SHROOM3: variants seen among roughly 807,000 people sequenced by gnomAD.
SHROOM3 encodes shroom family member 3, also known as protein Shroom3.
SHROOM3 carries 47 observed loss-of-function variants against 138.6 expected under a neutral mutation model. The observed-to-expected ratio is 0.34, with a 90% CI of 0.27 to 0.43. The LOEUF (loss-of-function observed/expected upper bound fraction) is 0.43. SHROOM3 is among the 20% of genes least tolerant of loss of function. The pLI, the probability that SHROOM3 is intolerant of heterozygous loss-of-function variation, is 1.00. For synonymous variants in SHROOM3, 1,062 were observed against 1,063.3 expected, an observed-to-expected ratio of 1.00 and a Z score of 0.02; for missense variants, 2,491 against 2,596.5, an observed-to-expected ratio of 0.96 and a Z score of 0.88.
chr4:76,532,190 GA>G (rs1349228469), intron 1 of SHROOM3: 1 of 151,956 alleles, frequency 6.6e-6, no homozygotes. Flanking sequence ...AGTTTGCTGA[GA>G]ATGATGGTTT....
chr4:76,708,891 C>G lies in SHROOM3; in HGVS notation c.324-1265C>G, dbSNP rs183639516. Among the ~76,000 whole-genome samples, 379 of 152,294 alleles carry G rather than the reference C, an allele frequency of 2.5e-3. 3 individuals carry two copies. The highest frequency in any genetic ancestry group is 4.3e-3 in the Non-Finnish European group (291 of 68,030). On this transcript the variant is annotated intron_variant, in intron 2 of 10. Transcript: ENST00000296043. ...ATAACCTCAACCAATTTTCAAACTT[C>G]AAGTCTAGCACTATATTGAATATAT...
At position 76,720,157 on chromosome 4, in the gene SHROOM3, T is replaced by G. The variant is rs1459905818; in HGVS notation, c.455+9870T>G. Among the ~76,000 whole-genome samples the G allele has an allele frequency of 2.1e-4, 17 of 80,458 alleles. 1 individual carries two copies. Among genetic ancestry groups the G allele is most frequent in the Admixed American group, 6.7e-4 (5 of 7,476 alleles). The allele number at this position is 80,458 out of a possible 152,430, so 52.8% of individuals were successfully genotyped here. ...TTGGAAAAGTGTTTTTTAGGTTTTT[T>G]TTTTTTTTTTTTTTTTTTTTTTTGT... On this transcript the variant is annotated intron_variant, in intron 3 of 10. Transcript: ENST00000296043.
In SHROOM3 at chr4:76,444,339, A is replaced by G. The variant is rs10025905; in HGVS notation, c.168+8119A>G. On this transcript the variant is annotated intron_variant, in intron 1 of 10. Coordinates refer to ENST00000296043, the MANE Select transcript of SHROOM3 (RefSeq NM_020859.4). ...TTTAAGTGAGGTTTTCCAGCATAGAAAAAAGCTTACATCCCAGACAATATA... is the reference window on the plus strand; with the variant it reads ...TTTAAGTGAGGTTTTCCAGCATAGAGAAAAGCTTACATCCCAGACAATATA... Among the ~76,000 whole-genome samples, 943 of 151,176 alleles carry G rather than the reference A, an allele frequency of 6.2e-3. 9 individuals are homozygous for G. Among genetic ancestry groups the G allele is most frequent in the African/African-American group, 0.022 (909 of 41,350 alleles).
chr4:76,580,987 AT>A (rs371578376), intron 2 of SHROOM3, among the ~76,000 whole-genome samples: 1 of 152,046 alleles, frequency 6.6e-6, no homozygotes, highest in African/African-American at 2.4e-5. Flanking sequence ...AACGTGCCTT[AT>A]TTATTCTTTA....
At chr4:76,677,090 A>G (rs1719062059) in intron 2 of SHROOM3, among the ~76,000 whole-genome samples, 1 of 152,214 alleles carries the variant, frequency 6.6e-6, no homozygotes, top group South Asian at 2.1e-4. Context: ...TTACTGAGGA[A>G]AAATCATTCT....
chr4:76,741,166 C>T lies in SHROOM3; in HGVS notation c.2993C>T (p.Pro998Leu), dbSNP rs542924906. ...VTPAEGDLAR[P>L]VPPAARRGAR... ...CCTGCTGAGGGCGACCTGGCCAGGC[C>T]CGTGCCCCCTGCCGCCCGGAGAGGT... Residue 998 changes from proline to leucine, a missense_variant, in exon 5 of 11, where the codon CCC becomes CTC. Pro to Leu is a moderately conservative substitution (Grantham distance 98, BLOSUM62 -3). Transcript: ENST00000296043. This position sits in a 1 kb window ranked among gnomAD's most constrained non-coding sequence, Gnocchi z 6.2. 1.3e-6 allele frequency: 2 copies of T among 1,581,688 alleles called. No homozygotes were observed. Among genetic ancestry groups the T allele is most frequent in the African/African-American group, 2.7e-5 (2 of 74,392 alleles).
intron 6 of SHROOM3, among the ~76,000 whole-genome samples, chr4:76,752,625 T>TA (rs925852020): frequency 7.9e-5 from 12 of 152,172 alleles, no homozygotes; most frequent in Admixed American, 2.0e-4. Flanking sequence ...AGTCTTTTTT[T>TA]ATCCCAAACT....
At chr4:76,480,209 C>G (rs929414580) in intron 1 of SHROOM3, among the ~76,000 whole-genome samples, 49 of 152,278 alleles carry the variant, frequency 3.2e-4, no homozygotes, top group Non-Finnish European at 6.2e-4. Context: ...GATAAAGAGT[C>G]AAGACCCATC....
rs138081318 is a variant in SHROOM3, at chr4:76,633,894, G to A, written c.324-76262G>A. 8.5e-3 allele frequency among the ~76,000 whole-genome samples: 1,288 copies of A among 152,166 alleles called. 14 individuals are homozygous for A. The highest frequency in any genetic ancestry group is 0.029 in the African/African-American group (1,220 of 41,494). On this transcript the variant is annotated intron_variant, in intron 2 of 10. Transcript: ENST00000296043. Reference sequence around the variant, plus strand: ...ACCAGGCAAATGGAAGGGAGACTCCGGAAAGGAAAAGCAGATGACATTTTA... The same window carrying A: ...ACCAGGCAAATGGAAGGGAGACTCCAGAAAGGAAAAGCAGATGACATTTTA...
At chr4:76,538,273 A>G (rs1733024743) in intron 1 of SHROOM3, among the ~76,000 whole-genome samples, 1 of 152,208 alleles carries the variant, frequency 6.6e-6, no homozygotes, top group South Asian at 2.1e-4. Flanking sequence ...GAAAAAAAGA[A>G]AAGGAGGAGG....
intron 2 of SHROOM3, among the ~76,000 whole-genome samples, chr4:76,704,322 C>A (rs1418884776): frequency 6.6e-6 from 1 of 152,136 alleles, no homozygotes; most frequent in Non-Finnish European, 1.5e-5. Context: ...AGAGGTGGAC[C>A]CTGACCTGGC....
intron 3 of SHROOM3, among the ~76,000 whole-genome samples, chr4:76,712,992 A>C (rs1720274448): frequency 1.3e-5 from 2 of 152,332 alleles, no homozygotes; most frequent in Non-Finnish European, 2.9e-5. Flanking sequence ...ACAGACAAAA[A>C]TACAATGTAA....
chr4:76,622,530 T>C (rs1735030322), intron 2 of SHROOM3, among the ~76,000 whole-genome samples: 1 of 152,052 alleles, frequency 6.6e-6, no homozygotes, highest in South Asian at 2.1e-4. Context: ...TGATTTTCAG[T>C]TAATTCCATT....
At chr4:76,715,657 C>G (rs920590795) in intron 3 of SHROOM3, among the ~76,000 whole-genome samples, 34 of 152,244 alleles carry the variant, frequency 2.2e-4, no homozygotes, top group African/African-American at 7.5e-4. Flanking sequence ...ATGGGGATCT[C>G]GGATCACCAT....
chr4:76,523,972 T>C (rs1433575820), intron 1 of SHROOM3, among the ~76,000 whole-genome samples: 1 of 152,026 alleles, frequency 6.6e-6, no homozygotes, highest in Non-Finnish European at 1.5e-5. Context: ...TTAAGCAAGG[T>C]GTAACCTGAG....
At chr4:76,697,495 A>G (rs1719774914) in intron 2 of SHROOM3, among the ~76,000 whole-genome samples, 1 of 152,142 alleles carries the variant, frequency 6.6e-6, no homozygotes, top group South Asian at 2.1e-4. Flanking sequence ...TCAGCCCTGT[A>G]GGTATCTAAC....
intron 2 of SHROOM3, among the ~76,000 whole-genome samples, chr4:76,624,687 T>C (rs1218133649): frequency 6.6e-6 from 1 of 152,212 alleles, no homozygotes; most frequent in Non-Finnish European, 1.5e-5. Flanking sequence ...ACAGAAATTA[T>C]AAAGAGGTGT....
chr4:76,672,721 C>T (rs1046675503), intron 2 of SHROOM3, among the ~76,000 whole-genome samples: 8 of 152,094 alleles, frequency 5.3e-5, no homozygotes, highest in African/African-American at 1.2e-4. Flanking sequence ...TACAGGCTCC[C>T]GCCACCACGC....
chr4:76,696,833 T>G (rs1719750178), intron 2 of SHROOM3, among the ~76,000 whole-genome samples: 1 of 152,206 alleles, frequency 6.6e-6, no homozygotes, highest in Non-Finnish European at 1.5e-5. Context: ...CACATCCAGC[T>G]TGGAAGACCA....
Sources: allele counts gnomAD v4.1 joint callset (sites outside exome capture counted in the v4.1 genomes callset), GRCh38; gene constraint gnomAD v4.1.1; non-coding constraint Gnocchi (gnomAD v3.1); transcripts MANE v1.5; gene names NCBI Gene and HGNC (gene_info 2026-07-23, HGNC 2026-07-21).